The following TTLL11 variants were observed in gnomAD, a reference collection of about 807,000 sequenced individuals.
The protein encoded by TTLL11 is tubulin tyrosine ligase like 11, also known as tubulin polyglutamylase TTLL11.
Under a neutral mutation model 51.7 loss-of-function variants are expected in TTLL11, and 42 were observed. That is an observed-to-expected ratio of 0.81 (90% CI 0.64 to 1.05). TTLL11 has a LOEUF of 1.05. Among genes scored for constraint, TTLL11 ranks in the 50% least tolerant of loss-of-function variants. The probability of loss-of-function intolerance (pLI) is 0.00; values close to 1 mark genes in which losing one functional copy is unlikely to be tolerated. For missense variants in TTLL11, 799 were observed against 940.4 expected (o/e 0.85, Z 1.97); for synonymous variants, 381 against 383.5 (o/e 0.99, Z 0.08).
intron 3 of TTLL11, among the ~76,000 whole-genome samples, chr9:122,013,159 C>T (rs567891246): frequency 3.9e-5 from 6 of 152,268 alleles, no homozygotes; most frequent in Non-Finnish European, 7.4e-5. Flanking sequence ...TTAACTTACC[C>T]GAGGGATACA....
chr9:122,011,360 A>T (rs1843785908), intron 3 of TTLL11, among the ~76,000 whole-genome samples: 1 of 152,198 alleles, frequency 6.6e-6, no homozygotes, highest in Admixed American at 6.5e-5. Flanking sequence ...TGGAGGTAAT[A>T]AGAGTATCCA....
intron 6 of TTLL11, among the ~76,000 whole-genome samples, chr9:121,880,843 G>A (rs1258842453): frequency 6.6e-6 from 1 of 152,260 alleles, no homozygotes; most frequent in Non-Finnish European, 1.5e-5. Context: ...GGACGCTGAA[G>A]CGTGGGAAGG....
chr9:121,970,544 G>T (rs528834431), intron 6 of TTLL11, among the ~76,000 whole-genome samples: 2 of 152,298 alleles, frequency 1.3e-5, no homozygotes, highest in Admixed American at 1.3e-4. Context: ...CGAATGATAT[G>T]AACAGACACT....
chr9:121,906,782 AT>A (rs1839964198), intron 6 of TTLL11, among the ~76,000 whole-genome samples: 1 of 152,204 alleles, frequency 6.6e-6, no homozygotes, highest in African/African-American at 2.4e-5. Context: ...TGAAAAGTAC[AT>A]TGACTATTTC....
intron 8 of TTLL11, among the ~76,000 whole-genome samples, chr9:121,847,661 T>C (rs1480819064): frequency 6.6e-6 from 1 of 152,158 alleles, no homozygotes; most frequent in Non-Finnish European, 1.5e-5. Flanking sequence ...GAATAATCAA[T>C]AACTTTTCAA....
chr9:121,931,079 A>G (rs577431862), intron 6 of TTLL11, among the ~76,000 whole-genome samples: 1 of 152,360 alleles, frequency 6.6e-6, no homozygotes, highest in East Asian at 1.9e-4. Context: ...GGCAAGGTTC[A>G]AAGACCTAAT....
chr9:121,920,618 G>A (rs924449383), intron 6 of TTLL11, among the ~76,000 whole-genome samples: 4 of 152,214 alleles, frequency 2.6e-5, no homozygotes, highest in African/African-American at 9.6e-5. Context: ...TACCTAATAA[G>A]CTTCGTACCT....
chr9:121,864,547 C>T lies in TTLL11; in HGVS notation c.1734-4104G>A, dbSNP rs143978010. On this transcript the variant is annotated intron_variant, in intron 7 of 8. Coordinates refer to ENST00000321582, the MANE Select transcript of TTLL11 (RefSeq NM_001139442.2). Reference sequence around the variant, plus strand: ...TTGTGCAGGTCATGGAAGCTCTCTGCGTCTACATTAGGAAATTTCGATTTG... The same window carrying T: ...TTGTGCAGGTCATGGAAGCTCTCTGTGTCTACATTAGGAAATTTCGATTTG... 5.9e-5 allele frequency among the ~76,000 whole-genome samples: 9 copies of T among 152,266 alleles called. No homozygotes were observed. The East Asian group carries it at 7.7e-4, about 13-fold the overall frequency.
intron 6 of TTLL11, among the ~76,000 whole-genome samples, chr9:121,942,084 G>A (rs1841497664): frequency 6.6e-6 from 1 of 152,088 alleles, no homozygotes; most frequent in African/African-American, 2.4e-5. Context: ...CTTAACCCTA[G>A]AATCAAATCT....
chr9:122,008,979 T>C (rs1843727678), intron 3 of TTLL11, among the ~76,000 whole-genome samples: 1 of 152,184 alleles, frequency 6.6e-6, no homozygotes, highest in Non-Finnish European at 1.5e-5. Context: ...CTGTGGAATC[T>C]AAATAAGTTG....
chr9:122,022,328 GAC>G (rs1844206063), intron 3 of TTLL11, among the ~76,000 whole-genome samples: 2 of 151,648 alleles, frequency 1.3e-5, no homozygotes, highest in South Asian at 4.2e-4. Flanking sequence ...ATTACATCAA[GAC>G]ACATCATAAT....
At position 121,899,843 on chromosome 9, in the gene TTLL11, C is replaced by T. The variant is rs141591844; in HGVS notation, c.1482-29095G>A. On this transcript the variant is annotated intron_variant, in intron 6 of 8. Coordinates refer to ENST00000321582, the MANE Select transcript of TTLL11 (RefSeq NM_001139442.2). Reference sequence around the variant, plus strand: ...TTCCCAGTGACTAAAGACAGTGCCACGTGCATATCACATGCTTGGTAAACA... The same window carrying T: ...TTCCCAGTGACTAAAGACAGTGCCATGTGCATATCACATGCTTGGTAAACA... Among the ~76,000 whole-genome samples, 366 of 152,292 alleles carry T rather than the reference C, an allele frequency of 2.4e-3. 2 individuals carry two copies. The highest frequency in any genetic ancestry group is 0.01 in the Middle Eastern group (3 of 294).
At chr9:122,075,953 C>T (rs1036064123) in intron 1 of TTLL11, among the ~76,000 whole-genome samples, 2 of 152,142 alleles carry the variant, frequency 1.3e-5, no homozygotes, top group African/African-American at 4.8e-5. Flanking sequence ...AAAAAATCAG[C>T]TCTAGAACCA....
intron 1 of TTLL11, among the ~76,000 whole-genome samples, chr9:122,059,348 T>C (rs1321597963): frequency 6.6e-6 from 1 of 152,210 alleles, no homozygotes; most frequent in East Asian, 1.9e-4. Flanking sequence ...GCACTTTCAA[T>C]GTATGAAGTT....
chr9:121,904,566 C>T (rs1258953275), intron 6 of TTLL11, among the ~76,000 whole-genome samples: 1 of 152,246 alleles, frequency 6.6e-6, no homozygotes, highest in Non-Finnish European at 1.5e-5. Context: ...CCAGGCCCAA[C>T]AATCGCCTTT....
At chr9:122,045,806 T>C (rs562536848) in intron 1 of TTLL11, among the ~76,000 whole-genome samples, 5 of 152,252 alleles carry the variant, frequency 3.3e-5, no homozygotes, top group African/African-American at 1.2e-4. Context: ...AAAAGACAAA[T>C]ATCGTATGAT....
At chr9:121,973,918 G>T (rs1842636119) in intron 6 of TTLL11, 91 bp downstream of exon 6, 1 of 783,848 alleles carries the variant, frequency 1.3e-6, no homozygotes, top group South Asian at 1.8e-5. Flanking sequence ...ACTCACAATG[G>T]TAACAGGTTC....
chr9:122,000,340 C>T (rs892191452), intron 3 of TTLL11, among the ~76,000 whole-genome samples: 6 of 151,928 alleles, frequency 3.9e-5, no homozygotes, highest in Non-Finnish European at 5.9e-5. Context: ...GATGTGGTGG[C>T]GGGCACCTGT....
At chr9:121,833,806 G>A (rs951940450) in intron 8 of TTLL11, among the ~76,000 whole-genome samples, 2 of 152,090 alleles carry the variant, frequency 1.3e-5, no homozygotes, top group African/African-American at 4.8e-5. Context: ...AATCATTGTC[G>A]ACAGCCAGGG....
Sources: allele counts gnomAD v4.1 joint callset (sites outside exome capture counted in the v4.1 genomes callset), GRCh38; gene constraint gnomAD v4.1.1; transcripts MANE v1.5; gene names NCBI Gene and HGNC (gene_info 2026-07-23, HGNC 2026-07-21).